Variants in CCDC91 observed in about 807,000 individuals in gnomAD.
CCDC91 encodes the protein coiled-coil domain-containing protein 91.
A neutral mutation model predicts 63.2 loss-of-function variants in CCDC91; 48 were observed. The observed-to-expected ratio is 0.76, with a 90% CI of 0.60 to 0.97. The LOEUF is 0.97. Ranked by LOEUF, CCDC91 falls within the 50% of genes least tolerant of loss-of-function variation. The probability of loss-of-function intolerance (pLI) is 0.00; values close to 1 mark genes in which losing one functional copy is unlikely to be tolerated. For missense variants in CCDC91, 500 were observed against 494.6 expected, an observed-to-expected ratio of 1.01 and a Z score of -0.10; for synonymous variants, 167 against 165.8, an observed-to-expected ratio of 1.01 and a Z score of -0.06.
At chr12:28,465,192 T>C (rs1227729753) in intron 11 of CCDC91, among the ~76,000 whole-genome samples, 6 of 152,144 alleles carry the variant, frequency 3.9e-5, no homozygotes, top group African/African-American at 1.4e-4. Flanking sequence ...TCAGCCATAG[T>C]GTAATGGAAC....
intron 6 of CCDC91, among the ~76,000 whole-genome samples, chr12:28,308,098 T>C (rs1327431240): frequency 1.3e-5 from 2 of 152,154 alleles, no homozygotes; most frequent in Middle Eastern, 3.4e-3. Context: ...TTAACTTTTT[T>C]AAATAAATTG....
intron 7 of CCDC91, among the ~76,000 whole-genome samples, chr12:28,389,421 C>T (rs910581512): frequency 1.3e-5 from 2 of 152,072 alleles, no homozygotes; most frequent in South Asian, 2.1e-4. Flanking sequence ...GTTACTCTTG[C>T]ATAACTTTCC....
chr12:28,297,348 G>A (rs970019699), intron 3 of CCDC91, among the ~76,000 whole-genome samples: 2 of 151,534 alleles, frequency 1.3e-5, no homozygotes, highest in African/African-American at 4.8e-5. Flanking sequence ...CCTGTGTCAT[G>A]TTTTGACATA....
chr12:28,472,996 T>C (rs1316691233), intron 11 of CCDC91, among the ~76,000 whole-genome samples: 3 of 152,156 alleles, frequency 2.0e-5, no homozygotes, highest in Non-Finnish European at 2.9e-5. Flanking sequence ...GAGCTAGACT[T>C]TGTGATTCAA....
At chr12:28,514,973 A>T (rs1340999057) in intron 12 of CCDC91, among the ~76,000 whole-genome samples, 1 of 151,806 alleles carries the variant, frequency 6.6e-6, no homozygotes, top group African/African-American at 2.4e-5. Context: ...CCATGACAAA[A>T]GTTGACCTAT....
chr12:28,429,294 T>C, intron 8 of CCDC91, among the ~76,000 whole-genome samples: 1 of 152,180 alleles, frequency 6.6e-6, no homozygotes. Flanking sequence ...CAAGTTTTAA[T>C]CCAGTATTCT....
chr12:28,370,714 C>T (rs1268892205), intron 7 of CCDC91, among the ~76,000 whole-genome samples: 1 of 152,148 alleles, frequency 6.6e-6, no homozygotes, highest in East Asian at 1.9e-4. Context: ...TTTATAAAGA[C>T]AAGAGATTTA....
intron 3 of CCDC91, among the ~76,000 whole-genome samples, chr12:28,267,720 T>A (rs1479494776): frequency 9.3e-6 from 1 of 107,180 alleles, no homozygotes; most frequent in East Asian, 2.3e-4. Context: ...TATAATTATA[T>A]ATATTATTTA....
intron 3 of CCDC91, among the ~76,000 whole-genome samples, chr12:28,267,777 T>TTACTATATAATTATATATAATTATATAG (rs1947332505): frequency 1.4e-5 from 1 of 72,822 alleles, no homozygotes. Context: ...AATTATATTA[T>TTACTATATAATTATATATAATTATATAG]TAATATATAA....
chr12:28,325,000 C>A (rs1940853711), intron 6 of CCDC91, among the ~76,000 whole-genome samples: 1 of 151,820 alleles, frequency 6.6e-6, no homozygotes, highest in Admixed American at 6.6e-5. Flanking sequence ...CAAAAGCTCT[C>A]AAGCAGAGGC....
At chr12:28,292,681 T>C (rs541891328) in intron 3 of CCDC91, among the ~76,000 whole-genome samples, 5 of 152,238 alleles carry the variant, frequency 3.3e-5, no homozygotes, top group South Asian at 2.1e-4. Flanking sequence ...GCTGGTCTTC[T>C]GCTGTTGAAA....
At position 28,414,816 on chromosome 12, in the gene CCDC91, G is replaced by A. The variant is rs185496873; in HGVS notation, c.762+23405G>A. Among the ~76,000 whole-genome samples the A allele has an allele frequency of 3.4e-3, 511 of 152,210 alleles. 2 individuals are homozygous for A. The highest frequency in any genetic ancestry group is 8.1e-3 in the South Asian group (39 of 4,824). On this transcript the variant is annotated intron_variant, in intron 8 of 12. Transcript: ENST00000536442. The stretch of plus-strand genomic sequence containing the variant: ...CTTAAACAGAGAAAAGAAACATAGA[G>A]CAATGAACTTGGGGCAATAAAGTAG...
chr12:28,410,045 T>A (rs1337357066), intron 8 of CCDC91, among the ~76,000 whole-genome samples: 4 of 152,100 alleles, frequency 2.6e-5, no homozygotes, highest in Non-Finnish European at 4.4e-5. Context: ...TAGGTCAAAT[T>A]TTTTGGTGTC....
chr12:28,365,867 C>T (rs962481913), intron 7 of CCDC91, among the ~76,000 whole-genome samples: 19 of 152,188 alleles, frequency 1.2e-4, no homozygotes, highest in African/African-American at 3.6e-4. Context: ...AAATCTGTTA[C>T]TGTCTCACCA....
At chr12:28,258,466 A>G (rs539409169) in intron 2 of CCDC91, among the ~76,000 whole-genome samples, 4 of 152,136 alleles carry the variant, frequency 2.6e-5, no homozygotes, top group African/African-American at 7.2e-5. Context: ...TGTTATATTC[A>G]TCAAATTGAT....
chr12:28,501,763 A>G (rs1378869664), intron 12 of CCDC91, among the ~76,000 whole-genome samples: 8 of 151,978 alleles, frequency 5.3e-5, no homozygotes, highest in Middle Eastern at 3.4e-3. Context: ...ATTGATTGGA[A>G]TAGTTTCAGA....
intron 12 of CCDC91, among the ~76,000 whole-genome samples, chr12:28,507,493 A>G (rs1938875455): frequency 6.6e-6 from 1 of 152,004 alleles, no homozygotes; most frequent in Non-Finnish European, 1.5e-5. Context: ...TCACTAAAGT[A>G]AGTATTCTGT....
At chr12:28,201,249 G>A (rs12939671) in intron 1 of CCDC91, among the ~76,000 whole-genome samples, 6 of 148,712 alleles carry the variant, frequency 4.0e-5, no homozygotes, top group East Asian at 2.0e-4. Context: ...GCTGCAGGGC[G>A]GAGGGGCTCC....
At chr12:28,382,051 A>C (rs1945327443) in intron 7 of CCDC91, among the ~76,000 whole-genome samples, 2 of 152,060 alleles carry the variant, frequency 1.3e-5, no homozygotes, top group Non-Finnish European at 2.9e-5. Flanking sequence ...CTGAGAAATA[A>C]CTAATAGAAG....
Sources: gnomAD v4.1 joint callset for allele counts (sites outside exome capture counted in the v4.1 genomes callset) on GRCh38, gnomAD v4.1.1 for gene constraint, MANE v1.5 for transcripts, NCBI Gene and HGNC (gene_info 2026-07-23, HGNC 2026-07-21) for gene names.